The following THSD7B variants were observed in gnomAD, a reference collection of about 807,000 sequenced individuals.
The protein encoded by THSD7B is thrombospondin type 1 domain containing 7B, also known as thrombospondin type-1 domain-containing protein 7B.
A neutral mutation model predicts 213.6 loss-of-function variants in THSD7B; 138 were observed. That is an observed-to-expected ratio of 0.65 (90% CI 0.56 to 0.74). The LOEUF is 0.74. Ranked by LOEUF, THSD7B falls within the 30% of genes least tolerant of loss-of-function variation. The pLI, the probability that THSD7B is intolerant of heterozygous loss-of-function variation, is 0.00. For missense variants in THSD7B, 1,931 were observed against 1,991.5 expected (o/e 0.97, Z 0.58); for synonymous variants, 742 against 687.0 (o/e 1.08, Z -1.25).
intron 12 of THSD7B, among the ~76,000 whole-genome samples, chr2:137,290,838 A>T (rs1683318795): frequency 6.6e-6 from 1 of 152,106 alleles, no homozygotes; most frequent in African/African-American, 2.4e-5. Context: ...CGTCTGTTCC[A>T]TCTTCATGAG....
chr2:137,380,757 A>G (rs1293433162), intron 12 of THSD7B, among the ~76,000 whole-genome samples: 7 of 152,258 alleles, frequency 4.6e-5, no homozygotes, highest in Admixed American at 4.6e-4. Context: ...GCCAAGGCAG[A>G]CATCCAGTCC....
At chr2:137,168,704 G>A (rs564834446) in intron 6 of THSD7B, among the ~76,000 whole-genome samples, 1 of 152,334 alleles carries the variant, frequency 6.6e-6, no homozygotes, top group African/African-American at 2.4e-5. Flanking sequence ...GTCTGGGCTA[G>A]TTGTCAAACA....
chr2:137,238,601 C>T (rs377193677), intron 9 of THSD7B, among the ~76,000 whole-genome samples: 14 of 118,246 alleles, frequency 1.2e-4, no homozygotes, highest in African/African-American at 4.6e-4. Flanking sequence ...GGCCGGACTG[C>T]GGACTGCAGT....
At chr2:137,095,787 C>T (rs965660325) in intron 4 of THSD7B, among the ~76,000 whole-genome samples, 13 of 152,120 alleles carry the variant, frequency 8.5e-5, no homozygotes, top group Non-Finnish European at 1.8e-4. Flanking sequence ...CCTCCACCTC[C>T]TGGGCTCAAG....
At chr2:137,098,666 A>C (rs896532230) in intron 4 of THSD7B, among the ~76,000 whole-genome samples, 1 of 152,218 alleles carries the variant, frequency 6.6e-6, no homozygotes, top group African/African-American at 2.4e-5. Flanking sequence ...AACAAGGTAT[A>C]GGTAGAAAAG....
intron 2 of THSD7B, among the ~76,000 whole-genome samples, chr2:137,031,763 A>G (rs1397020909): frequency 1.3e-5 from 2 of 151,974 alleles, no homozygotes; most frequent in Non-Finnish European, 2.9e-5. Context: ...AAATTTACCC[A>G]TGTTGCCTCA....
In THSD7B at chr2:137,286,939, C is replaced by G. The variant is rs144096609; in HGVS notation, c.2500+10913C>G. 5.1e-3 allele frequency among the ~76,000 whole-genome samples: 774 copies of G among 152,248 alleles called. 31 individuals carry two copies. Among genetic ancestry groups the G allele is most frequent in the Admixed American group, 0.048 (729 of 15,280 alleles). ...ACTTGAAGACGAGAGGACATGAACT[C>G]TCTGTCCAAATCAACATATCAAGGT... On this transcript the variant is annotated intron_variant, in intron 12 of 27. Transcript: ENST00000409968.
At chr2:137,423,599 T>C (rs1237177072) in intron 14 of THSD7B, among the ~76,000 whole-genome samples, 2 of 152,050 alleles carry the variant, frequency 1.3e-5, no homozygotes, top group Non-Finnish European at 2.9e-5. Flanking sequence ...CTTATTATAC[T>C]CTGAAAACTT....
At chr2:137,207,897 A>G (rs920067690) in intron 7 of THSD7B, among the ~76,000 whole-genome samples, 1 of 152,074 alleles carries the variant, frequency 6.6e-6, no homozygotes, top group East Asian at 1.9e-4. Flanking sequence ...CGCTGCACAG[A>G]CAAAACCAAT....
intron 12 of THSD7B, among the ~76,000 whole-genome samples, chr2:137,370,060 T>C (rs915383119): frequency 1.3e-5 from 2 of 152,076 alleles, no homozygotes; most frequent in Non-Finnish European, 2.9e-5. Context: ...AGGAAAGAAA[T>C]ACAAACGTAT....
chr2:137,330,695 T>G (rs1684482057), intron 12 of THSD7B, among the ~76,000 whole-genome samples: 1 of 151,866 alleles, frequency 6.6e-6, no homozygotes, highest in Admixed American at 6.6e-5. Flanking sequence ...TTGAGGTGAG[T>G]GTTACGGCTC....
At chr2:137,536,606 A>G (rs1194734545) in intron 15 of THSD7B, among the ~76,000 whole-genome samples, 2 of 151,722 alleles carry the variant, frequency 1.3e-5, no homozygotes, top group East Asian at 1.9e-4. Context: ...CAAGAAGAAT[A>G]AAGGACTAAT....
chr2:136,850,980 A>C (rs992190478), intron 1 of THSD7B, among the ~76,000 whole-genome samples: 3 of 152,074 alleles, frequency 2.0e-5, no homozygotes, highest in African/African-American at 7.2e-5. Context: ...AGCTATTGGA[A>C]GATATTGCTG....
chr2:137,182,970 G>C (rs1056090168), intron 7 of THSD7B, among the ~76,000 whole-genome samples: 2 of 152,088 alleles, frequency 1.3e-5, no homozygotes, highest in Non-Finnish European at 2.9e-5. Context: ...GAATACTGCT[G>C]CAGAAATGTC....
chr2:136,818,020 C>A (rs1682504134), intron 1 of THSD7B, among the ~76,000 whole-genome samples: 1 of 145,916 alleles, frequency 6.9e-6, no homozygotes. Flanking sequence ...CTGGAAATAC[C>A]ATTTGACCCA....
At chr2:137,644,533 G>C (rs750694810) in intron 21 of THSD7B, among the ~76,000 whole-genome samples, 25 of 152,086 alleles carry the variant, frequency 1.6e-4, no homozygotes, top group Non-Finnish European at 3.2e-4. Flanking sequence ...TATCTAAGTT[G>C]AGTTTTTCCT....
intron 15 of THSD7B, among the ~76,000 whole-genome samples, chr2:137,517,557 G>A (rs1340734369): frequency 6.6e-6 from 1 of 152,132 alleles, no homozygotes; most frequent in East Asian, 1.9e-4. Context: ...TTTGAATTTT[G>A]GAGGCAACAC....
chr2:137,339,868 A>AGAAT (rs924852974), intron 12 of THSD7B, among the ~76,000 whole-genome samples: 1 of 151,646 alleles, frequency 6.6e-6, no homozygotes, highest in Non-Finnish European at 1.5e-5. Flanking sequence ...AAGAGGGAAA[A>AGAAT]GAATGGCCTT....
intron 17 of THSD7B, among the ~76,000 whole-genome samples, chr2:137,601,657 C>G (rs1192222907): frequency 6.6e-6 from 1 of 152,188 alleles, no homozygotes; most frequent in Admixed American, 6.5e-5. Flanking sequence ...TGAAACCATT[C>G]TTCTAAGTAA....
Sources: gnomAD v4.1 joint callset for allele counts (sites outside exome capture counted in the v4.1 genomes callset) on GRCh38, gnomAD v4.1.1 for gene constraint, MANE v1.5 for transcripts, NCBI Gene and HGNC (gene_info 2026-07-23, HGNC 2026-07-21) for gene names.